The following OPN5 variants were observed in gnomAD, a reference collection of about 807,000 sequenced individuals.
OPN5 encodes the protein opsin 5, also known as opsin-5.
In OPN5, 18 loss-of-function variants were observed where a neutral mutation model predicts 41.7. The ratio of observed to expected loss-of-function variants is 0.43; its 90% CI spans 0.30 to 0.64. The LOEUF is 0.64. OPN5 is among the 30% of genes least tolerant of loss of function. The pLI is 0.13. For synonymous variants in OPN5, 178 were observed against 164.3 expected (o/e 1.08, Z -0.64); for missense variants, 318 against 434.5 (o/e 0.73, Z 2.38).
At chr6:47,822,577 C>T (rs1305686127) in intron 6 of OPN5, among the ~76,000 whole-genome samples, 1 of 152,146 alleles carries the variant, frequency 6.6e-6, no homozygotes, top group Non-Finnish European at 1.5e-5. Context: ...AACTCAAAGG[C>T]ACATCCAGAG....
chr6:47,782,283 T>G, intron 1 of OPN5, 87 bp downstream of exon 1: 1 of 1,338,584 alleles, frequency 7.5e-7, no homozygotes, highest in Non-Finnish European at 1.0e-6. Flanking sequence ...ATTCTGATAC[T>G]TAAGTGGATA....
chr6:47,821,902 C>T (rs1762634648), intron 6 of OPN5, among the ~76,000 whole-genome samples: 2 of 152,018 alleles, frequency 1.3e-5, no homozygotes, highest in South Asian at 2.1e-4. Context: ...ATCAAGTGGT[C>T]AGGAGTTCAA....
At chr6:47,786,443 G>T in intron 1 of OPN5, 72 bp from the exon 2 acceptor site, 8 of 1,293,792 alleles carry the variant, frequency 6.2e-6, no homozygotes, top group Non-Finnish European at 8.8e-6. Flanking sequence ...TTTTGAAGTT[G>T]AGAAGTGTTT....
At chr6:47,783,401 T>G (rs940671616) in intron 1 of OPN5, among the ~76,000 whole-genome samples, 2 of 152,110 alleles carry the variant, frequency 1.3e-5, no homozygotes, top group African/African-American at 4.8e-5. Flanking sequence ...TTCCTCCCTT[T>G]CTCTCTTTTT....
chr6:47,817,592 C>T (rs536973132), intron 6 of OPN5, among the ~76,000 whole-genome samples: 1 of 152,180 alleles, frequency 6.6e-6, no homozygotes, highest in Non-Finnish European at 1.5e-5. Flanking sequence ...AGAACTTGAG[C>T]CCCATGCCTG....
chr6:47,808,411 C>G lies in OPN5; in HGVS notation c.998+16C>G. 6.2e-7 allele frequency: 1 copy of G among 1,613,488 alleles called. No individual in the cohort carries two copies. Among genetic ancestry groups the G allele is most frequent in the Non-Finnish European group, 8.5e-7 (1 of 1,179,700 alleles). On this transcript the variant is annotated intron_variant, in intron 5 of 6. Transcript: ENST00000371211. Reference sequence around the variant, plus strand: ...AAGGCTTCAGGTAAAACTTCAGAAGCTGGAAATGAATTACACTCTCTTTGT... The same window carrying G: ...AAGGCTTCAGGTAAAACTTCAGAAGGTGGAAATGAATTACACTCTCTTTGT...
intron 4 of OPN5, among the ~76,000 whole-genome samples, chr6:47,795,778 T>TCTCTCACACA (rs766899041): frequency 3.5e-5 from 5 of 142,890 alleles, no homozygotes; most frequent in African/African-American, 1.4e-4. Context: ...TCTCTCTCTC[T>TCTCTCACACA]CACACACACA....
In OPN5 at chr6:47,811,733, T is replaced by A. The variant is rs1774212673; in HGVS notation, c.1056+2T>A. ...GCTGTGCTGGAAATTCATGAAGAGG[T>A]ATGAAGATGGATACAGCATCACTAT... On this transcript the variant is annotated splice_donor_variant, in intron 6 of 6. Coordinates refer to ENST00000371211, the Ensembl canonical transcript of OPN5. LOFTEE classifies it high-confidence loss of function. 1 of 1,605,146 alleles carries A rather than the reference T, an allele frequency of 6.2e-7. No homozygotes were observed. Among genetic ancestry groups the A allele is most frequent in the South Asian group, 1.1e-5 (1 of 90,870 alleles).
At chr6:47,812,901 G>A (rs901296617) in intron 6 of OPN5, among the ~76,000 whole-genome samples, 6 of 152,224 alleles carry the variant, frequency 3.9e-5, no homozygotes, top group Admixed American at 2.0e-4. Flanking sequence ...TTGAAGGTTT[G>A]TAGAGAATCA....
At chr6:47,821,781 C>T (rs984126823) in intron 6 of OPN5, among the ~76,000 whole-genome samples, 17 of 152,142 alleles carry the variant, frequency 1.1e-4, no homozygotes, top group African/African-American at 3.6e-4. Context: ...CTCATACATC[C>T]GACTGTCTGT....
intron 6 of OPN5, among the ~76,000 whole-genome samples, chr6:47,822,784 T>G (rs1052340344): frequency 2.0e-5 from 3 of 152,208 alleles, no homozygotes; most frequent in Non-Finnish European, 4.4e-5. Context: ...TCATTACAGG[T>G]TTTTTTATAC....
intron 2 of OPN5, among the ~76,000 whole-genome samples, chr6:47,790,166 G>A (rs1336844459): frequency 1.3e-5 from 2 of 152,046 alleles, no homozygotes; most frequent in Non-Finnish European, 2.9e-5. Context: ...AGGAAATGTG[G>A]AAATCTGGTT....
intron 6 of OPN5, 139 bp from the exon 7 acceptor site, chr6:47,823,844 C>A: frequency 1.4e-6 from 1 of 704,458 alleles, no homozygotes; most frequent in Admixed American, 2.1e-5. Context: ...GAGAAGCCAT[C>A]TCAGTGACAA....
intron 6 of OPN5, among the ~76,000 whole-genome samples, chr6:47,812,132 G>A (rs1223810328): frequency 2.0e-5 from 3 of 152,094 alleles, no homozygotes; most frequent in Non-Finnish European, 4.4e-5. Context: ...TCATTCAGGT[G>A]GACAATCATG....
At chr6:47,816,309 A>G (rs894121885) in intron 6 of OPN5, among the ~76,000 whole-genome samples, 7 of 152,204 alleles carry the variant, frequency 4.6e-5, no homozygotes, top group Admixed American at 4.6e-4. Flanking sequence ...TTAGATGAAG[A>G]CCTATAGGTT....
At chr6:47,810,154 T>A (rs1265633074) in intron 5 of OPN5, among the ~76,000 whole-genome samples, 1 of 152,188 alleles carries the variant, frequency 6.6e-6, no homozygotes. Context: ...ATATAGCAAT[T>A]GCTCTGCTGG....
chr6:47,782,161 C>A (rs762665853), exon 1 of OPN5: 1 of 1,613,480 alleles, frequency 6.2e-7, no homozygotes, highest in Non-Finnish European at 8.5e-7. Context: ...TCTTGGGAAG[C>A]GGATTTAGTG....
At chr6:47,813,154 G>C (rs1308258023) in intron 6 of OPN5, among the ~76,000 whole-genome samples, 1 of 152,144 alleles carries the variant, frequency 6.6e-6, no homozygotes, top group East Asian at 1.9e-4. Context: ...GCATATCAAA[G>C]TCTGGAGAAA....
chr6:47,808,208 G>T, exon 5 of OPN5: 3 of 1,613,718 alleles, frequency 1.9e-6, no homozygotes, highest in Non-Finnish European at 2.5e-6. Context: ...TTATGCAGTG[G>T]TGTCTGTGTG....
Sources: gnomAD v4.1 joint callset for allele counts (sites outside exome capture counted in the v4.1 genomes callset) on GRCh38, gnomAD v4.1.1 for gene constraint, MANE v1.5 for transcripts, NCBI Gene and HGNC (gene_info 2026-07-23, HGNC 2026-07-21) for gene names.